The following ANGPT1 variants were observed in gnomAD, a reference collection of about 807,000 sequenced individuals.
ANGPT1 encodes the protein angiopoietin-1.
ANGPT1 carries 17 observed loss-of-function variants against 62.2 expected under a neutral mutation model. The observed-to-expected ratio is 0.27, with a 90% CI of 0.19 to 0.41. The LOEUF is 0.41. Among genes scored for constraint, ANGPT1 ranks in the 10% least tolerant of loss-of-function variants. ANGPT1 has a pLI of 1.00. For synonymous variants in ANGPT1, 199 were observed against 198.9 expected (o/e 1.00, Z 0.00); for missense variants, 478 against 594.9 (o/e 0.80, Z 2.04).
Position 107,303,348 on chromosome 8 carries a change from T to C in ANGPT1, c.828A>G (p.Lys276=), listed in dbSNP as rs751870537. 1.3e-6 allele frequency: 2 copies of C among 1,598,498 alleles called. No homozygotes were observed. The highest frequency in any genetic ancestry group is 4.5e-5 in the East Asian group (2 of 44,648). ...TKEGVLLKGG[K]REEEKPFRDC... is the part of the protein sequence containing the mutation. The stretch of plus-strand genomic sequence containing the variant: ...CTCTAAATGGTTTCTCTTCCTCTCT[T>C]TTTCCTCCCTTTAGTAAAACTGCAA... The change falls in exon 5 of 9, where the codon AAA becomes AAG. Residue 276 remains lysine (K), a synonymous_variant. Transcript: ENST00000517746.
At chr8:107,291,472 C>T (rs1814271065) in intron 6 of ANGPT1, among the ~76,000 whole-genome samples, 2 of 151,924 alleles carry the variant, frequency 1.3e-5, no homozygotes, top group African/African-American at 4.8e-5. Context: ...AGTGCAGTGG[C>T]GTGATCTCAG....
At chr8:107,474,342 T>G (rs981099979) in intron 1 of ANGPT1, among the ~76,000 whole-genome samples, 28 of 152,174 alleles carry the variant, frequency 1.8e-4, no homozygotes, top group African/African-American at 6.8e-4. Context: ...ACCACATGAT[T>G]ACCTCAATAG....
intron 1 of ANGPT1, among the ~76,000 whole-genome samples, chr8:107,473,223 G>C (rs1812409962): frequency 6.6e-6 from 1 of 152,040 alleles, no homozygotes; most frequent in Non-Finnish European, 1.5e-5. Context: ...TGTTTTCACA[G>C]AACCAGGTTT....
chr8:107,345,075 A>G (rs566277155), intron 2 of ANGPT1, among the ~76,000 whole-genome samples: 2 of 152,334 alleles, frequency 1.3e-5, no homozygotes, highest in Admixed American at 1.3e-4. Flanking sequence ...AAAAAAACAC[A>G]TAGGCGTCAC....
chr8:107,458,468 A>G (rs1006772740), intron 1 of ANGPT1, among the ~76,000 whole-genome samples: 3 of 152,210 alleles, frequency 2.0e-5, no homozygotes, highest in Admixed American at 6.5e-5. Flanking sequence ...GTAGAAGTAT[A>G]CTAAAGTATA....
intron 1 of ANGPT1, among the ~76,000 whole-genome samples, chr8:107,478,075 T>C (rs1563641109): frequency 6.6e-6 from 1 of 150,728 alleles, no homozygotes; most frequent in Admixed American, 6.6e-5. Flanking sequence ...TTTTTTTTTT[T>C]CTACAAGATT....
At chr8:107,413,651 A>T (rs920623963) in intron 1 of ANGPT1, among the ~76,000 whole-genome samples, 1 of 150,310 alleles carries the variant, frequency 6.7e-6, no homozygotes, top group Non-Finnish European at 1.5e-5. Context: ...ATGTTGAAAT[A>T]TTAAATTAAT....
intron 8 of ANGPT1, among the ~76,000 whole-genome samples, chr8:107,260,479 G>GAA (rs3838712): frequency 4.0e-5 from 6 of 151,560 alleles, no homozygotes; most frequent in Admixed American, 6.6e-5. Flanking sequence ...AGTTTAAAAA[G>GAA]AAAAAAAAGG....
intron 8 of ANGPT1, among the ~76,000 whole-genome samples, chr8:107,253,167 A>G (rs1302082106): frequency 6.6e-6 from 1 of 152,210 alleles, no homozygotes. Context: ...GGGGAACCAC[A>G]AGGTATGTCT....
intron 1 of ANGPT1, among the ~76,000 whole-genome samples, chr8:107,363,499 G>A (rs997476768): frequency 1.3e-5 from 2 of 152,300 alleles, no homozygotes; most frequent in African/African-American, 4.8e-5. Context: ...AGAATAATAA[G>A]TTTTGGACTC....
intron 5 of ANGPT1, chr8:107,294,986 G>C (rs545379251): frequency 6.6e-6 from 1 of 152,182 alleles, no homozygotes; most frequent in Non-Finnish European, 1.5e-5. Context: ...TGCAACAGCA[G>C]CAAGCAGGCT....
chr8:107,258,516 G>T (rs947172759), intron 8 of ANGPT1, among the ~76,000 whole-genome samples: 2 of 152,106 alleles, frequency 1.3e-5, no homozygotes, highest in Non-Finnish European at 2.9e-5. Flanking sequence ...CAATTATTAA[G>T]CTTTGGTTGT....
intron 3 of ANGPT1, among the ~76,000 whole-genome samples, chr8:107,335,279 C>A (rs186582710): frequency 6.6e-6 from 1 of 152,280 alleles, no homozygotes; most frequent in Admixed American, 6.5e-5. Context: ...ATAAAGGGAA[C>A]TCTAGTGCCA....
chr8:107,394,886 C>T (rs1012904042), intron 1 of ANGPT1, among the ~76,000 whole-genome samples: 6 of 152,094 alleles, frequency 3.9e-5, no homozygotes, highest in African/African-American at 1.4e-4. Context: ...GTAGCTCTTC[C>T]TAGAGCTTCC....
chr8:107,328,679 A>T (rs1214249062), intron 3 of ANGPT1, among the ~76,000 whole-genome samples: 4 of 152,022 alleles, frequency 2.6e-5, no homozygotes, highest in African/African-American at 9.6e-5. Context: ...ATGTAGTCAC[A>T]GAAAAAGAAA....
chr8:107,410,053 G>T (rs1229362304), intron 1 of ANGPT1, among the ~76,000 whole-genome samples: 4 of 152,062 alleles, frequency 2.6e-5, no homozygotes, highest in Non-Finnish European at 4.4e-5. Context: ...AGACCCAGGG[G>T]GAAATAATCA....
intron 1 of ANGPT1, among the ~76,000 whole-genome samples, chr8:107,484,680 C>G (rs1217167300): frequency 1.8e-4 from 27 of 152,194 alleles, no homozygotes; most frequent in Admixed American, 1.8e-3. Context: ...TGATGGATTA[C>G]AGACATGAGC....
At chr8:107,315,160 T>C (rs1299454910) in intron 4 of ANGPT1, among the ~76,000 whole-genome samples, 1 of 152,166 alleles carries the variant, frequency 6.6e-6, no homozygotes, top group Non-Finnish European at 1.5e-5. Flanking sequence ...AAAGGCACTT[T>C]AGCTCAAATA....
intron 1 of ANGPT1, among the ~76,000 whole-genome samples, chr8:107,416,080 T>C (rs1315754735): frequency 1.3e-5 from 2 of 152,144 alleles, no homozygotes; most frequent in Non-Finnish European, 2.9e-5. Context: ...TTCCCCCATA[T>C]ACCAAGCAAT....
Sources: gnomAD v4.1 joint callset for allele counts (sites outside exome capture counted in the v4.1 genomes callset) on GRCh38, gnomAD v4.1.1 for gene constraint, MANE v1.5 for transcripts, NCBI Gene and HGNC (gene_info 2026-07-23, HGNC 2026-07-21) for gene names.